GOLGA8A: variants seen among roughly 807,000 people sequenced by gnomAD.
GOLGA8A encodes the protein golgin subfamily A member 8A.
A neutral mutation model predicts 22.1 loss-of-function variants in GOLGA8A; 3 were observed. That is an observed-to-expected ratio of 0.14 (90% CI 0.06 to 0.35). The LOEUF (loss-of-function observed/expected upper bound fraction) is 0.35, where lower values mean the gene tolerates loss of function less well. Among genes scored for constraint, GOLGA8A ranks in the 10% least tolerant of loss-of-function variants. The pLI is 1.00. For missense variants in GOLGA8A, 16 were observed against 233.2 expected (o/e 0.07, Z 6.07); for synonymous variants, 7 against 91.7 (o/e 0.08, Z 5.28).
At chr15:34,427,023 C>T (rs1405708316) in intron 2 of GOLGA8A, among the ~76,000 whole-genome samples, 2 of 147,454 alleles carry the variant, frequency 1.4e-5, no homozygotes, top group African/African-American at 5.0e-5. Flanking sequence ...ACAAAATAGA[C>T]AAGCACTTTA....
At chr15:34,432,169 C>CAG (rs1893285267) in intron 2 of GOLGA8A, among the ~76,000 whole-genome samples, 2 of 149,348 alleles carry the variant, frequency 1.3e-5, no homozygotes, top group Admixed American at 1.4e-4. Flanking sequence ...CAGCCACCTT[C>CAG]CTGGAGGGCT....
At chr15:34,384,522 CTTT>C (rs1254686958) in intron 16 of GOLGA8A, among the ~76,000 whole-genome samples, 1 of 115,244 alleles carries the variant, frequency 8.7e-6, no homozygotes, top group Admixed American at 8.3e-5. Context: ...CTTTTGTTCA[CTTT>C]TTGAAAAGAT....
chr15:34,437,123 C>T lies in GOLGA8A; in HGVS notation c.-1212+275G>A, dbSNP rs1595675839. Among the ~76,000 whole-genome samples the T allele has an allele frequency of 2.7e-5, 4 of 147,762 alleles. 1 individual carries two copies. The South Asian group carries it at 8.7e-4, about 32-fold the overall frequency. ...GCCCCTCGCCGCGGTGAGCCCCTCC[C>T]GGGATGCGAAAGCCATCGCCTAGTC... On this transcript the variant is annotated intron_variant, in intron 1 of 24. Coordinates refer to ENST00000359187, the MANE Select transcript of GOLGA8A (RefSeq NM_181077.5).
intron 1 of GOLGA8A, 111 bp from the exon 2 acceptor site, chr15:34,435,582 T>C (rs1893466545): frequency 6.7e-6 from 1 of 148,556 alleles, no homozygotes; most frequent in South Asian, 2.2e-4. Flanking sequence ...ACATGCAAGG[T>C]GCAAGAGAAT....
chr15:34,423,665 C>T (rs28565523), intron 2 of GOLGA8A, among the ~76,000 whole-genome samples: 55,067 of 125,198 alleles, frequency 0.44, 12,129 homozygotes, highest in African/African-American at 0.5. Flanking sequence ...GCTTCACAGA[C>T]TCCAGGGCCT....
Position 34,379,367 on chromosome 15 carries a change from T to G in GOLGA8A, c.*2044A>C, listed in dbSNP as rs902066524. On this transcript the variant is annotated 3_prime_UTR_variant, in exon 25 of 25. Coordinates refer to ENST00000359187, the MANE Select transcript of GOLGA8A (RefSeq NM_181077.5). The stretch of plus-strand genomic sequence containing the variant: ...ACATTTTTTAATATTTATATTATTT[T>G]AAAATGACTCTTTAAGATACAGTTT... The G allele has an allele frequency of 6.6e-6, 1 of 152,572 alleles. No individual in the cohort carries two copies. Among genetic ancestry groups the G allele is most frequent in the African/African-American group, 2.4e-5 (1 of 41,458 alleles). The allele number at this position is 152,572 out of a possible 1,614,324, so 9.5% of individuals were successfully genotyped here.
chr15:34,424,996 AG>A (rs1892923801), intron 2 of GOLGA8A, among the ~76,000 whole-genome samples: 1 of 145,938 alleles, frequency 6.9e-6, no homozygotes, highest in Non-Finnish European at 1.5e-5. Flanking sequence ...CTGAGGTGGG[AG>A]GATCACTTGA....
At chr15:34,402,971 C>G (rs1287012299) in intron 5 of GOLGA8A, among the ~76,000 whole-genome samples, 1 of 109,192 alleles carries the variant, frequency 9.2e-6, no homozygotes, top group Non-Finnish European at 1.8e-5. Flanking sequence ...ATTTCCAACA[C>G]TCAACATTTC....
At chr15:34,433,660 C>G (rs927902312) in intron 2 of GOLGA8A, among the ~76,000 whole-genome samples, 3 of 149,036 alleles carry the variant, frequency 2.0e-5, no homozygotes, top group African/African-American at 7.5e-5. Flanking sequence ...ACATGTGCTG[C>G]AAGGAGACTA....
At chr15:34,436,260 T>TAAAACCA (rs935492315) in intron 1 of GOLGA8A, among the ~76,000 whole-genome samples, 11 of 149,320 alleles carry the variant, frequency 7.4e-5, no homozygotes, top group African/African-American at 1.7e-4. Flanking sequence ...TCATTACTTC[T>TAAAACCA]AAAACCACTG....
intron 2 of GOLGA8A, chr15:34,417,802 A>T (rs1427319362): frequency 1.4e-5 from 2 of 148,074 alleles, no homozygotes. Flanking sequence ...TAGTTTACAC[A>T]GTAATTTTCA....
intron 8 of GOLGA8A, among the ~76,000 whole-genome samples, chr15:34,397,309 A>G (rs1166301602): frequency 6.1e-5 from 9 of 146,576 alleles, no homozygotes; most frequent in African/African-American, 1.7e-4. Flanking sequence ...TGTAAGTTCT[A>G]TTTCATCCAT....
Position 34,437,207 on chromosome 15 carries a change from G to C in GOLGA8A, c.-1212+191C>G, listed in dbSNP as rs1490202780. Among the ~76,000 whole-genome samples the C allele has an allele frequency of 4.1e-5, 6 of 147,094 alleles. No homozygotes were observed. In the East Asian group the frequency reaches 8.2e-4, roughly 20 times the overall value. On this transcript the variant is annotated intron_variant, in intron 1 of 24. Transcript: ENST00000359187. Reference sequence around the variant, plus strand: ...GATGGGCCGGTCCGAGAGGCGTAAGGCCGCCGGGCTGCACCCCTAGATCCC... The same window carrying C: ...GATGGGCCGGTCCGAGAGGCGTAAGCCCGCCGGGCTGCACCCCTAGATCCC...
At chr15:34,393,147 T>C (rs1324507535) in intron 8 of GOLGA8A, among the ~76,000 whole-genome samples, 2 of 146,176 alleles carry the variant, frequency 1.4e-5, no homozygotes, top group African/African-American at 5.3e-5. Flanking sequence ...AAATGGCATT[T>C]CAGGAAGTCT....
chr15:34,437,754 G>C lies in GOLGA8A; in HGVS notation c.-1568C>G, dbSNP rs914419974. Among the ~76,000 whole-genome samples, 32 of 147,618 alleles carry C rather than the reference G, an allele frequency of 2.2e-4. 2 individuals carry two copies. The highest frequency in any genetic ancestry group is 8.0e-4 in the African/African-American group (32 of 40,194). ...CTCTCCCGGGGGCTGAGCTCCCGCA[G>C]AGCTCGCGCCTAGCCGCACACCTCG... On this transcript the variant is annotated 5_prime_UTR_variant, in exon 1 of 25. Coordinates refer to ENST00000359187, the MANE Select transcript of GOLGA8A (RefSeq NM_181077.5).
intron 2 of GOLGA8A, among the ~76,000 whole-genome samples, chr15:34,432,834 A>G (rs888133485): frequency 1.3e-5 from 2 of 148,896 alleles, no homozygotes; most frequent in Non-Finnish European, 3.0e-5. Flanking sequence ...GCATTCTCTC[A>G]CTAGGCCGTA....
chr15:34,416,943 TTATC>T, intron 2 of GOLGA8A: 1 of 99,052 alleles, frequency 1.0e-5, no homozygotes, highest in Non-Finnish European at 1.9e-5. Flanking sequence ...CCCCTCTATC[TTATC>T]TCTTTGCGCA....
chr15:34,393,902 TA>T (rs1232307770), intron 8 of GOLGA8A, among the ~76,000 whole-genome samples: 5 of 77,404 alleles, frequency 6.5e-5, no homozygotes, highest in Admixed American at 2.6e-4. Context: ...TACAACAGGA[TA>T]AAAAAAAGCA....
rs113857331 is a variant in GOLGA8A at position 34,434,812 on chromosome 15, G to A, written c.-1123+571C>T. On this transcript the variant is annotated intron_variant, in intron 2 of 24. Transcript: ENST00000359187. ...CCTTACACCCTACCTGTGCCTCCAC[G>A]TCCCCAGTGCTCACGGCCACCTGGC... 3.5e-3 allele frequency among the ~76,000 whole-genome samples: 527 copies of A among 149,496 alleles called. 47 individuals carry two copies. The highest frequency in any genetic ancestry group is 0.012 in the African/African-American group (491 of 40,590).
Sources: allele counts gnomAD v4.1 joint callset (sites outside exome capture counted in the v4.1 genomes callset), GRCh38; gene constraint gnomAD v4.1.1; transcripts MANE v1.5; gene names NCBI Gene and HGNC (gene_info 2026-07-23, HGNC 2026-07-21).